The following RBMS1 variants were observed in gnomAD, a reference collection of about 807,000 sequenced individuals.
RBMS1 encodes the protein RNA-binding motif, single-stranded-interacting protein 1.
RBMS1 carries 17 observed loss-of-function variants against 62.3 expected under a neutral mutation model. The ratio of observed to expected loss-of-function variants is 0.27; its 90% CI spans 0.19 to 0.41. The LOEUF is 0.41. RBMS1 is among the 10% of genes least tolerant of loss of function. The probability of loss-of-function intolerance (pLI) is 1.00; values close to 1 mark genes in which losing one functional copy is unlikely to be tolerated. For synonymous variants in RBMS1, 172 were observed against 170.0 expected (o/e 1.01, Z -0.09); for missense variants, 334 against 504.5 (o/e 0.66, Z 3.24).
chr2:160,338,420 G>C (rs1173506934), intron 2 of RBMS1, among the ~76,000 whole-genome samples: 4 of 152,024 alleles, frequency 2.6e-5, no homozygotes, highest in Non-Finnish European at 4.4e-5. Flanking sequence ...GTAGTGACGA[G>C]AGACTATAGA....
chr2:160,447,599 G>A (rs1053914705), intron 1 of RBMS1, among the ~76,000 whole-genome samples: 2 of 152,198 alleles, frequency 1.3e-5, no homozygotes, highest in African/African-American at 4.8e-5. Context: ...CAGCTGAACT[G>A]TAAGTTCCTG....
chr2:160,364,130 CAG>C (rs935368265), intron 2 of RBMS1, among the ~76,000 whole-genome samples: 5 of 152,138 alleles, frequency 3.3e-5, no homozygotes, highest in African/African-American at 9.7e-5. Flanking sequence ...CACGGTCAAG[CAG>C]AGTGTTTGTT....
At chr2:160,465,865 TACACACAC>T (rs72005445) in intron 1 of RBMS1, among the ~76,000 whole-genome samples, 1 of 146,642 alleles carries the variant, frequency 6.8e-6, no homozygotes, top group Non-Finnish European at 1.5e-5. Flanking sequence ...CACACACACA[TACACACAC>T]ACACACACAC....
chr2:160,306,724 G>GT (rs150613221), intron 4 of RBMS1, among the ~76,000 whole-genome samples: 145 of 147,586 alleles, frequency 9.8e-4, no homozygotes, highest in African/African-American at 2.6e-3. Flanking sequence ...TTTCACGGGT[G>GT]TTTTTTTTTT....
chr2:160,357,867 C>G (rs968544728), intron 2 of RBMS1, among the ~76,000 whole-genome samples: 3 of 152,084 alleles, frequency 2.0e-5, no homozygotes, highest in African/African-American at 4.8e-5. Flanking sequence ...TGAGATGGTT[C>G]TCTATTGGGA....
At chr2:160,315,673 C>T (rs530522669) in intron 3 of RBMS1, among the ~76,000 whole-genome samples, 1 of 152,316 alleles carries the variant, frequency 6.6e-6, no homozygotes. Flanking sequence ...GTATTCTGGT[C>T]TTACATGCAC....
At chr2:160,344,900 C>T (rs184031825) in intron 2 of RBMS1, among the ~76,000 whole-genome samples, 10 of 152,154 alleles carry the variant, frequency 6.6e-5, no homozygotes, top group South Asian at 2.1e-4. Flanking sequence ...AAAAAAGTGA[C>T]GTATCATCTT....
At chr2:160,403,716 T>C (rs1012885994) in intron 1 of RBMS1, among the ~76,000 whole-genome samples, 13 of 152,122 alleles carry the variant, frequency 8.5e-5, no homozygotes, top group African/African-American at 2.9e-4. Context: ...TTCACTCCCC[T>C]ACCTCCAAAA....
At chr2:160,309,291 C>T (rs72972835) in intron 4 of RBMS1, among the ~76,000 whole-genome samples, 1,919 of 152,280 alleles carry the variant, frequency 0.013, 30 homozygotes, top group Middle Eastern at 0.058. Flanking sequence ...AGGGCGACCA[C>T]TCAGGGAGCT....
intron 1 of RBMS1, among the ~76,000 whole-genome samples, chr2:160,438,587 A>G (rs1234700379): frequency 5.9e-5 from 9 of 152,230 alleles, no homozygotes; most frequent in South Asian, 4.1e-4. Context: ...TAAGGTCACC[A>G]ATCAACAGGA....
intron 2 of RBMS1, among the ~76,000 whole-genome samples, chr2:160,354,818 G>A (rs1426493635): frequency 6.6e-6 from 1 of 152,122 alleles, no homozygotes; most frequent in Non-Finnish European, 1.5e-5. Context: ...TTAGACAAGC[G>A]TTAAGTCTGG....
chr2:160,395,572 T>C (rs1234366404), intron 1 of RBMS1, among the ~76,000 whole-genome samples: 3 of 135,788 alleles, frequency 2.2e-5, no homozygotes, highest in Non-Finnish European at 4.5e-5. Context: ...TGCAGTGAGC[T>C]GAGATCGCGC....
chr2:160,460,695 AT>A (rs1684424901), intron 1 of RBMS1, among the ~76,000 whole-genome samples: 1 of 152,160 alleles, frequency 6.6e-6, no homozygotes, highest in East Asian at 1.9e-4. Context: ...GAGTCAACTT[AT>A]TCTGATTTCA....
intron 1 of RBMS1, among the ~76,000 whole-genome samples, chr2:160,469,080 T>G (rs1341755198): frequency 1.3e-5 from 2 of 152,180 alleles, no homozygotes; most frequent in African/African-American, 4.8e-5. Flanking sequence ...CTTTGTACTT[T>G]TCTTGGAATA....
At chr2:160,389,412 A>T (rs1008670650) in intron 1 of RBMS1, among the ~76,000 whole-genome samples, 8 of 152,158 alleles carry the variant, frequency 5.3e-5, no homozygotes, top group Non-Finnish European at 1.0e-4. Flanking sequence ...AAAACAACTC[A>T]GCAGGATGGG....
At chr2:160,311,240 A>C (rs867375869) in intron 4 of RBMS1, among the ~76,000 whole-genome samples, 1,219 of 91,322 alleles carry the variant, frequency 0.013, 23 homozygotes, top group East Asian at 0.03. Flanking sequence ...ATCTATATAT[A>C]TATATATATA....
rs1682583010 is a variant in RBMS1, at chr2:160,426,266, AAAGAAAGAAAGAAAGAAAG to A, written c.76-58894_76-58876del. Among the ~76,000 whole-genome samples, 3 of 126,546 alleles carry A rather than the reference AAAGAAAGAAAGAAAGAAAG, an allele frequency of 2.4e-5. No individual in the cohort carries two copies. In the Admixed American group the frequency reaches 2.5e-4, roughly 11 times the overall value. The allele number at this position is 126,546 out of a possible 152,430, so 83.0% of individuals were successfully genotyped here. ...GAAAGAAAGAAAGAAAGAAAGAAAG[AAAGAAAGAAAGAAAGAAAG>A]AAAGAAAAGAAAGAAGGAAGGAAGG... On this transcript the variant is annotated intron_variant, in intron 1 of 13. Coordinates refer to ENST00000348849, the MANE Select transcript of RBMS1 (RefSeq NM_016836.4).
chr2:160,426,286 A>G (rs1370734440), intron 1 of RBMS1, among the ~76,000 whole-genome samples: 62 of 103,658 alleles, frequency 6.0e-4, no homozygotes, highest in South Asian at 3.5e-3. Context: ...AGAAAGAAAG[A>G]AAGAAAAGAA....
At chr2:160,345,682 T>C (rs991949758) in intron 2 of RBMS1, among the ~76,000 whole-genome samples, 5 of 152,048 alleles carry the variant, frequency 3.3e-5, no homozygotes, top group African/African-American at 1.2e-4. Context: ...TCCCTTAAAA[T>C]CCCATTGAAA....
Sources: allele counts gnomAD v4.1 joint callset (sites outside exome capture counted in the v4.1 genomes callset), GRCh38; gene constraint gnomAD v4.1.1; transcripts MANE v1.5; gene names NCBI Gene and HGNC (gene_info 2026-07-23, HGNC 2026-07-21).